The following OSGEPL1 variants were observed in gnomAD, a reference collection of about 807,000 sequenced individuals.
The protein encoded by OSGEPL1 is O-sialoglycoprotein endopeptidase like 1.
Under a neutral mutation model 37.2 loss-of-function variants are expected in OSGEPL1, and 26 were observed. That is an observed-to-expected ratio of 0.70 (90% CI 0.51 to 0.97). The LOEUF (loss-of-function observed/expected upper bound fraction) is 0.97. OSGEPL1 is among the 50% of genes least tolerant of loss of function. The pLI is 0.00. For missense variants in OSGEPL1, 404 were observed against 487.0 expected (o/e 0.83, Z 1.60); for synonymous variants, 140 against 159.9 (o/e 0.88, Z 0.94).
intron 1 of OSGEPL1, among the ~76,000 whole-genome samples, chr2:189,762,267 G>A (rs1323044102): frequency 6.6e-6 from 1 of 152,062 alleles, no homozygotes; most frequent in Non-Finnish European, 1.5e-5. Flanking sequence ...CAAAATAATA[G>A]CAGCCCATCA....
Position 189,750,592 on chromosome 2 carries a change from T to A in OSGEPL1, c.1231A>T (p.Lys411Ter). The change falls in exon 8 of 9, where the codon AAA becomes TAA. Residue 411 changes from lysine to a stop codon, truncating the protein, a stop_gained. Transcript: ENST00000264151. LOFTEE classifies it high-confidence loss of function. ...AACAGCAGAAATCATATCTCCATTT[T>A]TAATTGTGGTACTTTTATGGAAGCT... is the stretch of plus-strand genomic sequence containing the variant. ...GEASIKVPQL[K>*]MEI 6.3e-7 allele frequency: 1 copy of A among 1,580,594 alleles called. No homozygotes were observed. The highest frequency in any genetic ancestry group is 8.6e-7 in the Non-Finnish European group (1 of 1,158,732).
At chr2:189,761,778 A>G in intron 1 of OSGEPL1, 118 bp from the exon 2 acceptor site, 1 of 1,031,456 alleles carries the variant, frequency 9.7e-7, no homozygotes, top group African/African-American at 1.6e-5. Context: ...AAAGTTTGTA[A>G]AGGCTATAGC....
At chr2:189,762,842 A>G, upstream of OSGEPL1, 2 of 985,458 alleles carry the variant, frequency 2.0e-6, no homozygotes, top group Non-Finnish European at 2.4e-6. Flanking sequence ...CTGTTCCGCT[A>G]GCGAGCGGCA....
chr2:189,757,580 T>A (rs1051693216), intron 2 of OSGEPL1, among the ~76,000 whole-genome samples: 1 of 152,190 alleles, frequency 6.6e-6, no homozygotes, highest in African/African-American at 2.4e-5. Context: ...ATTTTACAGA[T>A]AAGGAAACTG....
intron 2 of OSGEPL1, among the ~76,000 whole-genome samples, chr2:189,758,188 C>A (rs1356999945): frequency 5.3e-5 from 8 of 152,192 alleles, no homozygotes; most frequent in Admixed American, 3.9e-4. Context: ...TTCGAGACAG[C>A]CTGACCAACA....
intron 8 of OSGEPL1, among the ~76,000 whole-genome samples, chr2:189,749,260 A>AT (rs1356929595): frequency 7.0e-6 from 1 of 142,092 alleles, no homozygotes; most frequent in African/African-American, 2.6e-5. Flanking sequence ...AAAAAAAAAA[A>AT]AAAAAAAGAT....
intron 2 of OSGEPL1, among the ~76,000 whole-genome samples, chr2:189,759,173 T>C (rs1197164343): frequency 2.6e-5 from 4 of 152,208 alleles, no homozygotes; most frequent in Non-Finnish European, 5.9e-5. Context: ...TAGTTATTGT[T>C]TGAGGCTCAA....
upstream of OSGEPL1, chr2:189,762,926 T>C: frequency 6.1e-6 from 6 of 985,316 alleles, no homozygotes; most frequent in Non-Finnish European, 7.2e-6. Flanking sequence ...TTCCCCCAGA[T>C]TTGCAGGTGA....
intron 5 of OSGEPL1, among the ~76,000 whole-genome samples, chr2:189,753,539 G>A (rs1203367593): frequency 7.9e-5 from 12 of 151,980 alleles, no homozygotes; most frequent in Admixed American, 7.9e-4. Flanking sequence ...ACCTCCCACT[G>A]CTAAATTTGA....
Position 189,748,294 on chromosome 2 carries a change from C to T in OSGEPL1, c.*29-1126G>A, listed in dbSNP as rs74379118. Reference sequence around the variant, plus strand: ...CATAGCTCACTGTAGCCTATAACTCCTGGGTTCAAAGCAATCATCCCACCT... The same window carrying T: ...CATAGCTCACTGTAGCCTATAACTCTTGGGTTCAAAGCAATCATCCCACCT... On this transcript the variant is annotated intron_variant, in intron 8 of 8. Coordinates refer to ENST00000264151, the MANE Select transcript of OSGEPL1 (RefSeq NM_022353.3). Among the ~76,000 whole-genome samples the T allele has an allele frequency of 4.9e-3, 748 of 152,328 alleles. 4 individuals carry two copies. Among genetic ancestry groups the T allele is most frequent in the African/African-American group, 0.017 (690 of 41,572 alleles).
chr2:189,750,711 G>T (rs2045039205), intron 7 of OSGEPL1, 55 bp from the exon 8 acceptor site: 2 of 1,296,908 alleles, frequency 1.5e-6, no homozygotes, highest in Admixed American at 5.3e-5. Flanking sequence ...TCCATCACTA[G>T]TTCTGCAGAC....
Position 189,754,313 on chromosome 2 carries a change from T to C in OSGEPL1, c.642A>G (p.Pro214=). ...TCCCACCACTCATGGTGGAGCACTC[T>C]GGATGTTTTATTAAAGAAAGTCTTC... ...VARRLSLIKH[P]ECSTMSGGKA... Residue 214 remains proline, a synonymous_variant, in exon 4 of 9, where the codon CCA becomes CCG. Coordinates refer to ENST00000264151, the MANE Select transcript of OSGEPL1 (RefSeq NM_022353.3). The C allele has an allele frequency of 1.2e-6, 2 of 1,610,884 alleles. No individual in the cohort carries two copies. Among genetic ancestry groups the C allele is most frequent in the Non-Finnish European group, 1.7e-6 (2 of 1,178,728 alleles).
intron 1 of OSGEPL1, 29 bp from the exon 2 acceptor site, chr2:189,761,689 T>A: frequency 6.8e-7 from 1 of 1,470,188 alleles, no homozygotes; most frequent in Non-Finnish European, 9.0e-7. Flanking sequence ...AACAACTTAT[T>A]ATTTGCAACT....
intron 6 of OSGEPL1, 27 bp from the exon 7 acceptor site, chr2:189,752,751 C>G: frequency 3.1e-6 from 5 of 1,613,580 alleles, no homozygotes; most frequent in Non-Finnish European, 4.2e-6. Flanking sequence ...AAAATAAAAT[C>G]AATAGCTCCA....
intron 8 of OSGEPL1, among the ~76,000 whole-genome samples, chr2:189,749,475 C>T (rs1029844603): frequency 6.6e-5 from 10 of 151,346 alleles, no homozygotes; most frequent in African/African-American, 1.9e-4. Context: ...AAGAATTGTA[C>T]ATTTAGTTAC....
rs1197663476 is a variant in OSGEPL1, at chr2:189,750,663, C to A, written c.1167-7G>T. 5 of 1,562,544 alleles carry A rather than the reference C, an allele frequency of 3.2e-6. No homozygotes were observed. Among genetic ancestry groups the A allele is most frequent in the Non-Finnish European group, 4.3e-6 (5 of 1,156,176 alleles). On this transcript the variant is annotated splice_polypyrimidine_tract_variant and splice_region_variant and intron_variant, in intron 7 of 8. Coordinates refer to ENST00000264151, the MANE Select transcript of OSGEPL1 (RefSeq NM_022353.3). ...GTCTACTCCAAGAGGACATCTACAT[C>A]ATAAGCAGACAAATCGTATTATTTA...
In OSGEPL1 at chr2:189,752,696, A is replaced by G. The variant is rs1398836584; in HGVS notation, c.1123T>C (p.Leu375=). 1 of 1,613,910 alleles carries G rather than the reference A, an allele frequency of 6.2e-7. No individual in the cohort carries two copies. The highest frequency in any genetic ancestry group is 8.5e-7 in the Non-Finnish European group (1 of 1,179,882). ...CCTTCTATGTCATGTAAAATGCCCA[A>G]GCCAGCACGTAGTCTTTCAATACCA... ...WNGIERLRAG[L]GILHDIEGIR... Residue 375 remains leucine, a synonymous_variant, in exon 7 of 9, where the codon TTG becomes CTG. Coordinates refer to ENST00000264151, the MANE Select transcript of OSGEPL1 (RefSeq NM_022353.3).
chr2:189,752,131 G>A (rs1262460551), intron 7 of OSGEPL1, among the ~76,000 whole-genome samples: 1 of 150,090 alleles, frequency 6.7e-6, no homozygotes. Context: ...GTGACACTAA[G>A]ACTCTAAAAA....
Position 189,754,079 on chromosome 2 carries a change from A to C in OSGEPL1, c.815-15T>G, listed in dbSNP as rs41270231. On this transcript the variant is annotated splice_polypyrimidine_tract_variant and intron_variant, in intron 4 of 8. Transcript: ENST00000264151. ...CTTCTCAATACCTGCAGAAATGAGC[A>C]GCTATTTTTAGGCACAATCCAGGAA... The C allele has an allele frequency of 6.0e-3, 9,611 of 1,612,070 alleles. 44 individuals carry two copies. Among genetic ancestry groups the C allele is most frequent in the Middle Eastern group, 0.016 (94 of 6,060 alleles).
Sources: gnomAD v4.1 joint callset for allele counts (sites outside exome capture counted in the v4.1 genomes callset) on GRCh38, gnomAD v4.1.1 for gene constraint, MANE v1.5 for transcripts, NCBI Gene and HGNC (gene_info 2026-07-23, HGNC 2026-07-21) for gene names.